The following MARCHF1 variants were observed in gnomAD, a reference collection of about 807,000 sequenced individuals.
The protein encoded by MARCHF1 is membrane associated ring-CH-type finger 1.
MARCHF1 carries 40 observed loss-of-function variants against 54.2 expected under a neutral mutation model. That is an observed-to-expected ratio of 0.74 (90% confidence interval 0.57 to 0.96). The LOEUF (loss-of-function observed/expected upper bound fraction) is 0.96, where lower values mean the gene tolerates loss of function less well. Among genes scored for constraint, MARCHF1 ranks in the 40% least tolerant of loss-of-function variants. MARCHF1 has a pLI of 0.00. For synonymous variants in MARCHF1, 236 were observed against 236.3 expected, an observed-to-expected ratio of 1.00 and a Z score of 0.01; for missense variants, 586 against 656.5, an observed-to-expected ratio of 0.89 and a Z score of 1.17.
intron 1 of MARCHF1, among the ~76,000 whole-genome samples, chr4:164,300,134 A>T (rs892135679): frequency 7.2e-5 from 11 of 152,048 alleles, no homozygotes; most frequent in Non-Finnish European, 1.3e-4. Context: ...ACTCAATTCA[A>T]TTCTAAAGTC....
At chr4:164,343,944 A>G (rs954632459) in intron 1 of MARCHF1, among the ~76,000 whole-genome samples, 1 of 152,206 alleles carries the variant, frequency 6.6e-6, no homozygotes, top group African/African-American at 2.4e-5. Flanking sequence ...TCACAGCATT[A>G]TTCACAATCA....
intron 5 of MARCHF1, among the ~76,000 whole-genome samples, chr4:163,631,203 T>A (rs1332161304): frequency 1.5e-5 from 2 of 132,006 alleles, no homozygotes; most frequent in Non-Finnish European, 3.2e-5. Flanking sequence ...GTTGCAGAAC[T>A]TTTTTTTTTT....
chr4:164,187,305 G>C (rs1730995630), intron 1 of MARCHF1, among the ~76,000 whole-genome samples: 1 of 152,082 alleles, frequency 6.6e-6, no homozygotes, highest in Non-Finnish European at 1.5e-5. Context: ...ATAGAGAAAG[G>C]GTCTCCCTCT....
intron 3 of MARCHF1, among the ~76,000 whole-genome samples, chr4:163,872,759 A>G (rs1368098626): frequency 6.6e-6 from 1 of 152,110 alleles, no homozygotes; most frequent in Non-Finnish European, 1.5e-5. Context: ...AAAATGATGA[A>G]GTCGGCCGGG....
At chr4:163,690,013 T>C (rs1744395437) in intron 5 of MARCHF1, among the ~76,000 whole-genome samples, 1 of 152,128 alleles carries the variant, frequency 6.6e-6, no homozygotes, top group South Asian at 2.1e-4. Flanking sequence ...GACCCCTTTT[T>C]CTGAGGTTTT....
intron 2 of MARCHF1, among the ~76,000 whole-genome samples, chr4:164,101,599 A>G (rs1755562591): frequency 1.5e-5 from 2 of 129,504 alleles, no homozygotes; most frequent in African/African-American, 2.8e-5. Context: ...CATCCACACC[A>G]AAAACCCATC....
chr4:164,124,916 TA>T (rs1756147916), intron 1 of MARCHF1, among the ~76,000 whole-genome samples: 1 of 152,120 alleles, frequency 6.6e-6, no homozygotes, highest in Non-Finnish European at 1.5e-5. Flanking sequence ...TTATATATTT[TA>T]AAATAACTTA....
chr4:163,611,473 C>T (rs1399915797), intron 7 of MARCHF1, among the ~76,000 whole-genome samples: 1 of 152,018 alleles, frequency 6.6e-6, no homozygotes, highest in Non-Finnish European at 1.5e-5. Context: ...TCTTCATTTG[C>T]TCTCATACAG....
intron 3 of MARCHF1, among the ~76,000 whole-genome samples, chr4:163,926,998 T>A (rs1751552324): frequency 6.6e-6 from 1 of 151,830 alleles, no homozygotes; most frequent in African/African-American, 2.4e-5. Flanking sequence ...TAACCAATGC[T>A]AATTTTAAGC....
At chr4:163,763,787 AG>A (rs1252600546) in intron 4 of MARCHF1, among the ~76,000 whole-genome samples, 3 of 152,080 alleles carry the variant, frequency 2.0e-5, no homozygotes. Flanking sequence ...TCATGTTGGC[AG>A]TAAATTATTT....
intron 2 of MARCHF1, among the ~76,000 whole-genome samples, chr4:164,092,439 T>C (rs1034655463): frequency 6.6e-6 from 1 of 152,122 alleles, no homozygotes; most frequent in African/African-American, 2.4e-5. Flanking sequence ...GGGAGCTGAC[T>C]GAGGGCTCAG....
rs1560957191 is a variant in MARCHF1, at chr4:163,585,740, A to T, written c.1191+9T>A. The T allele has an allele frequency of 1.9e-6, 3 of 1,576,124 alleles. No homozygotes were observed. The highest frequency in any genetic ancestry group is 2.3e-5 in the East Asian group (1 of 44,330). The stretch of plus-strand genomic sequence containing the variant: ...GTCCCTCCCAAACCAATTCCTATGG[A>T]TACTGTACCTTCCGGAGGGGTTTGA... On this transcript the variant is annotated intron_variant, in intron 8 of 9. Coordinates refer to ENST00000514618, the MANE Select transcript of MARCHF1 (RefSeq NM_001394959.1).
chr4:163,695,141 G>A (rs948319982), intron 5 of MARCHF1, among the ~76,000 whole-genome samples: 1 of 152,136 alleles, frequency 6.6e-6, no homozygotes, highest in African/African-American at 2.4e-5. Flanking sequence ...CTGTTCAGAG[G>A]TGCAAACACT....
chr4:163,886,968 T>C (rs1032408921), intron 3 of MARCHF1, among the ~76,000 whole-genome samples: 7 of 152,192 alleles, frequency 4.6e-5, no homozygotes, highest in African/African-American at 1.7e-4. Context: ...TCAAATGTTA[T>C]ACATTCTAAC....
intron 3 of MARCHF1, among the ~76,000 whole-genome samples, chr4:163,895,672 A>C (rs77930373): frequency 0.016 from 2,428 of 152,076 alleles, 59 homozygotes; most frequent in African/African-American, 0.056. Flanking sequence ...TATGCTGTGA[A>C]AGAGGATGTT....
chr4:163,922,157 T>C (rs572568865), intron 3 of MARCHF1, among the ~76,000 whole-genome samples: 3 of 150,110 alleles, frequency 2.0e-5, no homozygotes, highest in South Asian at 2.1e-4. Context: ...TAGGTGGGAA[T>C]TGAACAATGG....
chr4:163,536,547 A>G (rs1448946840), intron 9 of MARCHF1, among the ~76,000 whole-genome samples: 4 of 152,156 alleles, frequency 2.6e-5, no homozygotes, highest in African/African-American at 9.7e-5. Flanking sequence ...AATCTTGACG[A>G]GCACAGAATT....
chr4:163,719,840 T>TG (rs1745386674), intron 4 of MARCHF1, among the ~76,000 whole-genome samples: 1 of 152,208 alleles, frequency 6.6e-6, no homozygotes, highest in Non-Finnish European at 1.5e-5. Flanking sequence ...TTTTGAGAAG[T>TG]GTCTGTTCAT....
intron 1 of MARCHF1, among the ~76,000 whole-genome samples, chr4:164,261,969 G>T (rs1366741842): frequency 2.7e-5 from 4 of 150,588 alleles, no homozygotes; most frequent in Middle Eastern, 3.5e-3. Flanking sequence ...GGATGTTGTG[G>T]GTGTGTGTGT....
Sources: allele counts gnomAD v4.1 joint callset (sites outside exome capture counted in the v4.1 genomes callset), GRCh38; gene constraint gnomAD v4.1.1; transcripts MANE v1.5; gene names NCBI Gene and HGNC (gene_info 2026-07-23, HGNC 2026-07-21).